The following SOX5 variants were observed in gnomAD, a reference collection of about 807,000 sequenced individuals.
The protein encoded by SOX5 is SRY-box transcription factor 5, also known as transcription factor SOX-5.
Under a neutral mutation model 92.0 loss-of-function variants are expected in SOX5, and 9 were observed. That is an observed-to-expected ratio of 0.10 (90% CI 0.06 to 0.17). The LOEUF is 0.17. Among genes scored for constraint, SOX5 ranks in the 10% least tolerant of loss-of-function variants. SOX5 has a pLI of 1.00. For synonymous variants in SOX5, 344 were observed against 336.3 expected (o/e 1.02, Z -0.25); for missense variants, 642 against 944.5 (o/e 0.68, Z 4.20).
intron 2 of SOX5, among the ~76,000 whole-genome samples, chr12:24,355,846 C>A (rs867604751): frequency 6.6e-6 from 1 of 152,078 alleles, no homozygotes; most frequent in Admixed American, 6.5e-5. Context: ...TTCCCTTTTA[C>A]GAAACAGAAA....
chr12:23,780,110 T>C (rs1338837114), intron 3 of SOX5, among the ~76,000 whole-genome samples: 1 of 151,768 alleles, frequency 6.6e-6, no homozygotes, highest in Non-Finnish European at 1.5e-5. Context: ...AAGATTGATA[T>C]TGTCATTTTA....
At chr12:23,927,989 G>C (rs1012746467) in intron 1 of SOX5, among the ~76,000 whole-genome samples, 1 of 152,050 alleles carries the variant, frequency 6.6e-6, no homozygotes, top group Non-Finnish European at 1.5e-5. Flanking sequence ...GCACTCTCCA[G>C]TAGTAAGAGC....
chr12:24,307,125 C>T (rs117487926), intron 2 of SOX5, among the ~76,000 whole-genome samples: 2,501 of 152,220 alleles, frequency 0.016, 44 homozygotes, highest in Middle Eastern at 0.041. Flanking sequence ...GTAGTCCAAG[C>T]TTGGAACAGG....
chr12:23,605,238 T>C (rs1347583435), intron 8 of SOX5, among the ~76,000 whole-genome samples: 1 of 152,090 alleles, frequency 6.6e-6, no homozygotes, highest in Non-Finnish European at 1.5e-5. Flanking sequence ...AAATAAGCAA[T>C]AAAATTGTCC....
intron 4 of SOX5, among the ~76,000 whole-genome samples, chr12:23,969,812 T>C (rs957626879): frequency 6.6e-6 from 1 of 152,250 alleles, no homozygotes; most frequent in African/African-American, 2.4e-5. Flanking sequence ...GATCAGACTA[T>C]AGCATCAGGT....
chr12:24,538,746 TG>T (rs1399563068), intron 1 of SOX5, among the ~76,000 whole-genome samples: 1 of 152,136 alleles, frequency 6.6e-6, no homozygotes, highest in East Asian at 1.9e-4. Flanking sequence ...TTATCAGAAT[TG>T]TATAAACATT....
intron 4 of SOX5, among the ~76,000 whole-genome samples, chr12:24,199,803 C>T (rs900840674): frequency 1.3e-5 from 2 of 152,136 alleles, no homozygotes; most frequent in African/African-American, 4.8e-5. Flanking sequence ...CAATCCAGTG[C>T]ACCTAACAAG....
At chr12:24,480,135 A>G (rs1456909856) in intron 1 of SOX5, among the ~76,000 whole-genome samples, 4 of 152,192 alleles carry the variant, frequency 2.6e-5, no homozygotes, top group African/African-American at 4.8e-5. Flanking sequence ...ATTTTCAACA[A>G]AAGTGCCAAG....
At position 24,333,234 on chromosome 12, in the gene SOX5, A is replaced by G. The variant is rs541244553; in HGVS notation, c.-174+35329T>C. ...TTAATACTGATGCTAAACTGGACAA[A>G]CTTACCAGCAAAAAAAGTATAGATG... On this transcript the variant is annotated intron_variant, in intron 2 of 4. Transcript: ENST00000446891. Among the ~76,000 whole-genome samples the G allele has an allele frequency of 5.3e-5, 8 of 150,392 alleles. No individual in the cohort carries two copies. In the South Asian group the frequency reaches 1.7e-3, roughly 31 times the overall value.
intron 3 of SOX5, among the ~76,000 whole-genome samples, chr12:24,271,015 C>A (rs749252945): frequency 6.6e-6 from 1 of 152,210 alleles, no homozygotes; most frequent in Non-Finnish European, 1.5e-5. Flanking sequence ...ACACATATTT[C>A]TCTAGGATAT....
At chr12:23,791,699 T>C (rs905930375) in intron 3 of SOX5, among the ~76,000 whole-genome samples, 2 of 152,240 alleles carry the variant, frequency 1.3e-5, no homozygotes, top group East Asian at 1.9e-4. Context: ...ATCTTATAAA[T>C]TTGATCACCC....
At chr12:24,514,690 T>C (rs941213252) in intron 1 of SOX5, among the ~76,000 whole-genome samples, 2 of 152,190 alleles carry the variant, frequency 1.3e-5, no homozygotes, top group Non-Finnish European at 2.9e-5. Flanking sequence ...AAAGAAAATG[T>C]GGTACATATA....
At chr12:24,542,214 C>T (rs1366132206) in intron 1 of SOX5, among the ~76,000 whole-genome samples, 1 of 152,182 alleles carries the variant, frequency 6.6e-6, no homozygotes, top group Admixed American at 6.5e-5. Flanking sequence ...CTCTTGATCC[C>T]TTAACAGTCC....
chr12:23,929,627 A>G (rs1940938878), intron 1 of SOX5, among the ~76,000 whole-genome samples: 1 of 151,994 alleles, frequency 6.6e-6, no homozygotes, highest in African/African-American at 2.4e-5. Flanking sequence ...AAATCCAACT[A>G]GTCATAATTA....
chr12:23,696,900 T>G (rs1255168280), intron 6 of SOX5, among the ~76,000 whole-genome samples: 1 of 152,206 alleles, frequency 6.6e-6, no homozygotes, highest in Non-Finnish European at 1.5e-5. Flanking sequence ...ACTGAAATTT[T>G]CCAGATATTG....
Position 24,115,116 on chromosome 12 carries a change from C to G in SOX5, c.-2+98227G>C, listed in dbSNP as rs533326121. On this transcript the variant is annotated intron_variant, in intron 4 of 4. Coordinates refer to the SOX5 transcript ENST00000446891. ...AAGAATCAATATAAAATGTTTAATA[C>G]AAAAAAGAGAAAAGAGAAAACAAAG... Among the ~76,000 whole-genome samples, 14 of 151,742 alleles carry G rather than the reference C, an allele frequency of 9.2e-5. No individual in the cohort carries two copies. The East Asian group carries it at 2.7e-3, about 29-fold the overall frequency.
chr12:24,225,065 T>C (rs1961575648), intron 3 of SOX5, among the ~76,000 whole-genome samples: 1 of 152,240 alleles, frequency 6.6e-6, no homozygotes. Context: ...ACTTAAGTGC[T>C]AGACACACAG....
intron 4 of SOX5, among the ~76,000 whole-genome samples, chr12:24,047,362 G>A (rs1292465622): frequency 2.0e-5 from 3 of 152,170 alleles, no homozygotes; most frequent in African/African-American, 4.8e-5. Flanking sequence ...AAGCAAAAAG[G>A]ATTGAGGTTA....
At chr12:24,049,090 G>A (rs988123614) in intron 4 of SOX5, among the ~76,000 whole-genome samples, 16 of 152,056 alleles carry the variant, frequency 1.1e-4, no homozygotes, top group Middle Eastern at 3.2e-3. Flanking sequence ...TAGCATACAC[G>A]TCCTGAGGAA....
Sources: gnomAD v4.1 joint callset for allele counts (sites outside exome capture counted in the v4.1 genomes callset) on GRCh38, gnomAD v4.1.1 for gene constraint, MANE v1.5 for transcripts, NCBI Gene and HGNC (gene_info 2026-07-23, HGNC 2026-07-21) for gene names.